Variants in PDE8B observed in about 807,000 individuals in gnomAD.
The protein encoded by PDE8B is high affinity cAMP-specific and IBMX-insensitive 3',5'-cyclic phosphodiesterase 8B.
PDE8B carries 26 observed loss-of-function variants against 101.3 expected under a neutral mutation model. The observed-to-expected ratio is 0.26, with a 90% CI of 0.19 to 0.36. The LOEUF is 0.36. Among genes scored for constraint, PDE8B ranks in the 10% least tolerant of loss-of-function variants. The probability of loss-of-function intolerance (pLI) is 1.00; values close to 1 mark genes in which losing one functional copy is unlikely to be tolerated. For missense variants in PDE8B, 810 were observed against 1,163.1 expected (o/e 0.70, Z 4.42); for synonymous variants, 424 against 429.3 (o/e 0.99, Z 0.15).
rs1048558079 is a variant in PDE8B at position 77,291,279 on chromosome 5, A to G, written c.340-20715A>G. On this transcript the variant is annotated intron_variant, in intron 1 of 21. Coordinates refer to ENST00000264917, the MANE Select transcript of PDE8B (RefSeq NM_003719.5). ...CCGAGTTGGGAACCCATGGGACCCTAATGTTCTCTATGGGCCACTCCACAC... is the reference window on the plus strand; with the variant it reads ...CCGAGTTGGGAACCCATGGGACCCTGATGTTCTCTATGGGCCACTCCACAC... The G allele has an allele frequency of 7.4e-6, 12 of 1,613,088 alleles. 1 individual carries two copies. In the South Asian group the frequency reaches 1.2e-4, roughly 16 times the overall value.
intron 6 of PDE8B, among the ~76,000 whole-genome samples, chr5:77,342,526 A>T (rs946297756): frequency 3.3e-5 from 5 of 151,572 alleles, no homozygotes; most frequent in African/African-American, 9.7e-5. Flanking sequence ...TTTTTTTTTT[A>T]AAGAAAAAAC....
intron 1 of PDE8B, among the ~76,000 whole-genome samples, chr5:77,245,189 A>G (rs1051852032): frequency 3.3e-5 from 5 of 152,242 alleles, no homozygotes; most frequent in African/African-American, 1.2e-4. Context: ...CAGGCTTTGC[A>G]TGATTTTAGC....
chr5:77,290,205 C>G, intron 1 of PDE8B: 4 of 1,538,164 alleles, frequency 2.6e-6, no homozygotes, highest in Middle Eastern at 1.7e-4. Flanking sequence ...GCCTCGCGCA[C>G]TGTGTGTGCA....
chr5:77,392,045 A>G (rs188390806), intron 10 of PDE8B, among the ~76,000 whole-genome samples: 4 of 152,358 alleles, frequency 2.6e-5, no homozygotes, highest in Non-Finnish European at 5.9e-5. Flanking sequence ...ATGTCCCATA[A>G]TTATGGGATA....
At chr5:77,100,393 T>C in the PDE8B span, 1 of 152,156 alleles carries the variant, frequency 6.6e-6, no homozygotes, top group South Asian at 2.1e-4. Context: ...TGTGTAAAGG[T>C]AGGAGTACTT....
chr5:77,252,255 A>G (rs1485203932), intron 1 of PDE8B, among the ~76,000 whole-genome samples: 1 of 152,222 alleles, frequency 6.6e-6, no homozygotes, highest in Admixed American at 6.5e-5. Context: ...TGGGTGGTTC[A>G]CTACATTCTC....
intron 1 of PDE8B, among the ~76,000 whole-genome samples, chr5:77,244,318 C>T (rs1756423687): frequency 6.6e-6 from 1 of 152,142 alleles, no homozygotes; most frequent in Non-Finnish European, 1.5e-5. Context: ...GGCCCTCAGC[C>T]ACTTGCCTTG....
At chr5:77,183,811 T>A in the PDE8B span, among the ~76,000 whole-genome samples, 1 of 152,176 alleles carries the variant, frequency 6.6e-6, no homozygotes, top group African/African-American at 2.4e-5. Flanking sequence ...TTTGGATTAT[T>A]TCTCAGTTTT....
At chr5:77,269,534 C>G (rs1379215376) in intron 1 of PDE8B, among the ~76,000 whole-genome samples, 1 of 152,120 alleles carries the variant, frequency 6.6e-6, no homozygotes, top group Non-Finnish European at 1.5e-5. Flanking sequence ...GGGTATTACT[C>G]AAGAAATCTT....
the PDE8B span, among the ~76,000 whole-genome samples, chr5:77,175,875 A>T: frequency 6.6e-6 from 1 of 152,250 alleles, no homozygotes. Flanking sequence ...AGATACGCAC[A>T]TACATATATA....
At chr5:77,413,402 C>G in intron 17 of PDE8B, 93 bp downstream of exon 17, 3 of 1,148,700 alleles carry the variant, frequency 2.6e-6, no homozygotes, top group East Asian at 2.4e-5. Context: ...AGCTATTTTG[C>G]AACCAAGTTG....
intron 10 of PDE8B, among the ~76,000 whole-genome samples, chr5:77,374,535 G>T (rs1785688669): frequency 6.6e-6 from 1 of 152,016 alleles, no homozygotes; most frequent in Non-Finnish European, 1.5e-5. Flanking sequence ...TTAAGTGGTT[G>T]TCCTGGGGAT....
the PDE8B span, among the ~76,000 whole-genome samples, chr5:77,173,168 A>T: frequency 6.6e-6 from 1 of 152,226 alleles, no homozygotes; most frequent in Non-Finnish European, 1.5e-5. Flanking sequence ...GGTTGGAAGG[A>T]GGAGATGACA....
chr5:77,140,228 T>A, the PDE8B span: 3 of 152,356 alleles, frequency 2.0e-5, no homozygotes, highest in East Asian at 1.9e-4. Flanking sequence ...GACCTTTTTT[T>A]AAATTTATTT....
At chr5:77,158,307 A>T in the PDE8B span, among the ~76,000 whole-genome samples, 1 of 152,230 alleles carries the variant, frequency 6.6e-6, no homozygotes, top group Admixed American at 6.5e-5. Context: ...CAAGTCAACA[A>T]ATGAAAAGCT....
chr5:77,133,227 C>T, the PDE8B span, among the ~76,000 whole-genome samples: 1 of 152,188 alleles, frequency 6.6e-6, no homozygotes, highest in Admixed American at 6.5e-5. Flanking sequence ...AAGCACAGAA[C>T]AAACAGGCTG....
chr5:77,302,248 C>G (rs1397486845), intron 1 of PDE8B, among the ~76,000 whole-genome samples: 2 of 152,204 alleles, frequency 1.3e-5, no homozygotes, highest in African/African-American at 2.4e-5. Context: ...GCCTCTTTAT[C>G]TTTTCTCACT....
At chr5:77,129,465 A>G in the PDE8B span, among the ~76,000 whole-genome samples, 2 of 152,118 alleles carry the variant, frequency 1.3e-5, no homozygotes, top group South Asian at 4.2e-4. Context: ...CATTCCTGTC[A>G]CATATTGAAT....
the PDE8B span, among the ~76,000 whole-genome samples, chr5:77,136,711 C>A: frequency 6.6e-6 from 1 of 152,158 alleles, no homozygotes; most frequent in Non-Finnish European, 1.5e-5. Flanking sequence ...GAAGAATCTT[C>A]CGGTCTCCCT....
Sources: allele counts gnomAD v4.1 joint callset (sites outside exome capture counted in the v4.1 genomes callset), GRCh38; gene constraint gnomAD v4.1.1; transcripts MANE v1.5; gene names NCBI Gene and HGNC (gene_info 2026-07-23, HGNC 2026-07-21).